Variants in CNGB3 observed in about 807,000 individuals in gnomAD.
CNGB3 encodes cyclic nucleotide gated channel subunit beta 3.
Under a neutral mutation model 92.8 loss-of-function variants are expected in CNGB3, and 86 were observed. The ratio of observed to expected loss-of-function variants is 0.93; its 90% confidence interval spans 0.78 to 1.11. The LOEUF is 1.11. CNGB3 is among the 50% of genes least tolerant of loss of function. The probability of loss-of-function intolerance (pLI) is 0.00; values close to 1 mark genes in which losing one functional copy is unlikely to be tolerated. For missense variants in CNGB3, 1,026 were observed against 956.8 expected (o/e 1.07, Z -0.95); for synonymous variants, 333 against 332.7 (o/e 1.00, Z -0.01).
At position 86,655,094 on chromosome 8, in the gene CNGB3, C is replaced by T. The variant is rs142411553; in HGVS notation, c.853-1032G>A. Among the ~76,000 whole-genome samples the T allele has an allele frequency of 8.2e-3, 1,243 of 152,266 alleles. 4 individuals carry two copies. The highest frequency in any genetic ancestry group is 0.013 in the Non-Finnish European group (904 of 68,012). ...AGTATCCTATGAGCAATCTCATCTA[C>T]ACTGCTTAGTGGTCCTACACTGCAC... On this transcript the variant is annotated intron_variant, in intron 6 of 17. Transcript: ENST00000320005.
intron 3 of CNGB3, among the ~76,000 whole-genome samples, chr8:86,672,243 T>C (rs1304405138): frequency 1.3e-5 from 2 of 151,998 alleles, no homozygotes; most frequent in Admixed American, 6.6e-5. Context: ...GGACTACAGG[T>C]GCATGCCACC....
chr8:86,668,788 G>A (rs946035714), intron 4 of CNGB3, among the ~76,000 whole-genome samples: 4 of 152,054 alleles, frequency 2.6e-5, no homozygotes, highest in African/African-American at 9.7e-5. Flanking sequence ...TGGGTAGACC[G>A]GAAGTTTTCT....
chr8:86,671,393 T>C (rs1823859943), intron 3 of CNGB3, among the ~76,000 whole-genome samples: 1 of 152,188 alleles, frequency 6.6e-6, no homozygotes, highest in African/African-American at 2.4e-5. Flanking sequence ...AAGCTACAGA[T>C]GGTGGGGCAG....
chr8:86,681,931 A>G (rs1243732161), intron 3 of CNGB3, among the ~76,000 whole-genome samples: 4 of 152,190 alleles, frequency 2.6e-5, no homozygotes, highest in Non-Finnish European at 5.9e-5. Context: ...CTTCCTTGCT[A>G]AGAAAGCAGC....
chr8:86,647,041 A>G (rs1266643374), intron 8 of CNGB3, among the ~76,000 whole-genome samples: 1 of 151,036 alleles, frequency 6.6e-6, no homozygotes, highest in African/African-American at 2.4e-5. Flanking sequence ...TGTTTATGTA[A>G]ATACACAAAA....
chr8:86,661,737 G>A lies in CNGB3; in HGVS notation c.852+5188C>T. 11 of 1,568,516 alleles carry A rather than the reference G, an allele frequency of 7.0e-6. 1 individual carries two copies. The South Asian group carries it at 1.2e-4, about 18-fold the overall frequency. ...TGACCCATGGGTAGTGGTTGATCTA[G>A]CATCTCAAACATCCAGGTGCTTAGG... On this transcript the variant is annotated intron_variant, in intron 6 of 17. Coordinates refer to ENST00000320005, the MANE Select transcript of CNGB3 (RefSeq NM_019098.5).
chr8:86,741,445 C>T (rs1181809631), intron 1 of CNGB3, among the ~76,000 whole-genome samples: 1 of 152,102 alleles, frequency 6.6e-6, no homozygotes, highest in African/African-American at 2.4e-5. Flanking sequence ...GGGCGGAACA[C>T]CTGAGGCCGA....
At position 86,730,515 on chromosome 8, in the gene CNGB3, T is replaced by C. The variant is rs1825139498; in HGVS notation, c.212-3858A>G. ...TCTGTCTCAAAAATAAATCTCCTTT[T>C]ATTAGGAGCCACCAGTACCTGAGTA... On this transcript the variant is annotated intron_variant, in intron 2 of 17. Coordinates refer to ENST00000320005, the MANE Select transcript of CNGB3 (RefSeq NM_019098.5). Among the ~76,000 whole-genome samples the C allele has an allele frequency of 2.6e-5, 4 of 152,296 alleles. No individual in the cohort carries two copies. In the South Asian group the frequency reaches 8.3e-4, roughly 32 times the overall value.
At chr8:86,678,854 C>A (rs557225387) in intron 3 of CNGB3, among the ~76,000 whole-genome samples, 34 of 152,260 alleles carry the variant, frequency 2.2e-4, no homozygotes, top group African/African-American at 7.2e-4. Context: ...CCAATGGCAA[C>A]CCTTCCAAAA....
chr8:86,605,303 A>G (rs997024175), intron 14 of CNGB3, among the ~76,000 whole-genome samples: 3 of 152,224 alleles, frequency 2.0e-5, no homozygotes, highest in African/African-American at 7.2e-5. Context: ...CTAACTTCCA[A>G]AAAGAATAGA....
intron 3 of CNGB3, among the ~76,000 whole-genome samples, chr8:86,705,042 T>C (rs1375505286): frequency 6.6e-6 from 1 of 152,128 alleles, no homozygotes; most frequent in Non-Finnish European, 1.5e-5. Context: ...TTAATGTAAA[T>C]TAGCATGTCT....
At chr8:86,643,704 A>C (rs1823235278) in intron 10 of CNGB3, 47 bp downstream of exon 10, 1 of 1,586,798 alleles carries the variant, frequency 6.3e-7, no homozygotes, top group Non-Finnish European at 8.6e-7. Flanking sequence ...AATGAAACAG[A>C]ATGTTAAAAA....
At chr8:86,609,107 G>A (rs1046021049) in intron 14 of CNGB3, among the ~76,000 whole-genome samples, 14 of 152,182 alleles carry the variant, frequency 9.2e-5, no homozygotes, top group African/African-American at 3.1e-4. Context: ...ATTGAGTGAT[G>A]AATGTGATGT....
intron 1 of CNGB3, among the ~76,000 whole-genome samples, chr8:86,742,030 C>A (rs982310516): frequency 6.6e-6 from 1 of 152,152 alleles, no homozygotes; most frequent in Admixed American, 6.5e-5. Context: ...GTGTAAGGAG[C>A]AAATTGTAAT....
intron 10 of CNGB3, among the ~76,000 whole-genome samples, chr8:86,643,039 T>C (rs1823220954): frequency 6.6e-6 from 1 of 151,360 alleles, no homozygotes; most frequent in South Asian, 2.1e-4. Context: ...CTAGAGGCTT[T>C]CAAACTTTTT....
At chr8:86,739,624 T>A (rs754157534) in intron 2 of CNGB3, 31 bp downstream of exon 2, 66 of 1,520,196 alleles carry the variant, frequency 4.3e-5, no homozygotes, top group Non-Finnish European at 5.5e-5. Context: ...TTTTTAGTTT[T>A]TTTTTTTTTT....
chr8:86,688,338 G>C (rs1008122328), intron 3 of CNGB3, among the ~76,000 whole-genome samples: 1 of 151,966 alleles, frequency 6.6e-6, no homozygotes, highest in Non-Finnish European at 1.5e-5. Flanking sequence ...ATTACCTGAA[G>C]ACAATCATCA....
intron 3 of CNGB3, among the ~76,000 whole-genome samples, chr8:86,715,828 G>A (rs200091903): frequency 8.6e-6 from 1 of 115,970 alleles, no homozygotes; most frequent in East Asian, 2.9e-4. Context: ...CCTGTCGTGG[G>A]GTGGGGGGAG....
intron 3 of CNGB3, among the ~76,000 whole-genome samples, chr8:86,676,011 C>T (rs571804747): frequency 2.0e-5 from 3 of 151,990 alleles, no homozygotes; most frequent in African/African-American, 7.3e-5. Flanking sequence ...GCGGGGAAGT[C>T]CACTGTGAAA....
Sources: gnomAD v4.1 joint callset for allele counts (sites outside exome capture counted in the v4.1 genomes callset) on GRCh38, gnomAD v4.1.1 for gene constraint, MANE v1.5 for transcripts, NCBI Gene and HGNC (gene_info 2026-07-23, HGNC 2026-07-21) for gene names.